Variants in DAB1 observed in about 807,000 individuals in gnomAD.
DAB1 encodes DAB adaptor protein 1.
In DAB1, 15 loss-of-function variants were observed where a neutral mutation model predicts 64.6. The observed-to-expected ratio is 0.23, with a 90% confidence interval of 0.16 to 0.36. DAB1 has a LOEUF of 0.36. Ranked by LOEUF, DAB1 falls within the 10% of genes least tolerant of loss-of-function variation. The pLI, the probability that DAB1 is intolerant of heterozygous loss-of-function variation, is 1.00. For missense variants in DAB1, 596 were observed against 706.7 expected (o/e 0.84, Z 1.78); for synonymous variants, 235 against 251.9 (o/e 0.93, Z 0.64).
chr1:57,541,638 G>C (rs1256286803), intron 7 of DAB1, among the ~76,000 whole-genome samples: 1 of 152,094 alleles, frequency 6.6e-6, no homozygotes, highest in Non-Finnish European at 1.5e-5. Context: ...TTTTATCAGG[G>C]AAAGAAGATG....
chr1:57,297,453 C>CTTA (rs1673292287), intron 1 of DAB1, among the ~76,000 whole-genome samples: 1 of 151,838 alleles, frequency 6.6e-6, no homozygotes, highest in Non-Finnish European at 1.5e-5. Context: ...ATATGTGCAC[C>CTTA]TTATATTCAG....
chr1:57,280,522 C>T (rs555301803), intron 2 of DAB1, among the ~76,000 whole-genome samples: 5 of 152,220 alleles, frequency 3.3e-5, no homozygotes, highest in Non-Finnish European at 7.3e-5. Context: ...CGTAACCAGA[C>T]TCACAGCATA....
Position 57,331,435 on chromosome 1 carries a change from C to T in DAB1, c.-136-40269G>A, listed in dbSNP as rs1676662887. Reference sequence around the variant, plus strand: ...TGCCCAATAAGGAGGCAGTATGGCACCATGGTTAAGAGTATGACTTCTGGA... The same window carrying T: ...TGCCCAATAAGGAGGCAGTATGGCATCATGGTTAAGAGTATGACTTCTGGA... On this transcript the variant is annotated intron_variant, in intron 1 of 14. Transcript: ENST00000371236. Among the ~76,000 whole-genome samples, 4 of 152,290 alleles carry T rather than the reference C, an allele frequency of 2.6e-5. No homozygotes were observed. In the South Asian group the frequency reaches 8.3e-4, roughly 32 times the overall value.
intron 3 of DAB1, among the ~76,000 whole-genome samples, chr1:58,418,989 T>G (rs763482674): frequency 1.4e-4 from 22 of 152,140 alleles, no homozygotes; most frequent in Non-Finnish European, 2.9e-4. Context: ...GATGTTAGGG[T>G]GAATTCTTAA....
At chr1:57,806,280 G>A (rs1314511623) in intron 6 of DAB1, among the ~76,000 whole-genome samples, 1 of 152,126 alleles carries the variant, frequency 6.6e-6, no homozygotes, top group Non-Finnish European at 1.5e-5. Context: ...CTAACCCCTA[G>A]TACCTAGAAT....
intron 1 of DAB1, among the ~76,000 whole-genome samples, chr1:57,877,551 T>TATAATTACAAAAGTTACACATAC (rs1292013391): frequency 2.3e-5 from 2 of 87,110 alleles, no homozygotes; most frequent in Admixed American, 1.1e-4. Context: ...ATTTATTTTT[T>TATAATTACAAAAGTTACACATAC]TTTTTTTTTT....
chr1:58,285,031 C>A (rs751881017), intron 4 of DAB1, among the ~76,000 whole-genome samples: 3 of 152,138 alleles, frequency 2.0e-5, no homozygotes, highest in Non-Finnish European at 4.4e-5. Context: ...TGCTGCATAA[C>A]AAACCATGTG....
chr1:57,675,875 A>G (rs1358207600), intron 6 of DAB1, among the ~76,000 whole-genome samples: 1 of 152,182 alleles, frequency 6.6e-6, no homozygotes, highest in Non-Finnish European at 1.5e-5. Flanking sequence ...GAAGATTATT[A>G]ATAGAAACAT....
At chr1:57,224,507 C>A (rs1401964693) in intron 2 of DAB1, among the ~76,000 whole-genome samples, 2 of 152,190 alleles carry the variant, frequency 1.3e-5, no homozygotes, top group Non-Finnish European at 2.9e-5. Context: ...TGCTCTCTAA[C>A]CAGTCTGTTC....
chr1:58,152,768 T>C lies in DAB1; in HGVS notation n.310-2180A>G, dbSNP rs539394219. ...TTTTTCTATTATTCTCAACCAATCA[T>C]TCACAACATACGAGTAGTAAGTTCC... On this transcript the variant is annotated intron_variant and non_coding_transcript_variant, in intron 4 of 20. Coordinates refer to the DAB1 transcript ENST00000485760. Among the ~76,000 whole-genome samples, 45 of 152,360 alleles carry C rather than the reference T, an allele frequency of 3.0e-4. 2 individuals carry two copies. In the South Asian group the frequency reaches 8.9e-3, roughly 30 times the overall value.
chr1:58,513,388 T>C (rs1040649941), intron 2 of DAB1, among the ~76,000 whole-genome samples: 24 of 152,262 alleles, frequency 1.6e-4, no homozygotes, highest in Non-Finnish European at 2.2e-4. Context: ...TACAGCACTG[T>C]GAAAATGGAC....
intron 1 of DAB1, among the ~76,000 whole-genome samples, chr1:57,376,514 G>A (rs953453209): frequency 1.3e-5 from 2 of 152,324 alleles, no homozygotes; most frequent in African/African-American, 4.8e-5. Context: ...ATTCACTTTT[G>A]TATCTCTAGT....
chr1:58,450,755 A>AAAAATAAAAT (rs60658478), intron 3 of DAB1, among the ~76,000 whole-genome samples: 1 of 152,066 alleles, frequency 6.6e-6, no homozygotes, highest in African/African-American at 2.4e-5. Context: ...CTCCGTCTCA[A>AAAAATAAAAT]AAAATAAAAT....
At chr1:57,218,515 T>TA (rs776398255) in intron 2 of DAB1, among the ~76,000 whole-genome samples, 2,682 of 71,306 alleles carry the variant, frequency 0.038, 264 homozygotes, top group East Asian at 0.15. Flanking sequence ...CCCCCATCTC[T>TA]AAAAAAAAAA....
intron 9 of DAB1, among the ~76,000 whole-genome samples, chr1:57,041,808 C>A (rs995579228): frequency 6.6e-6 from 1 of 152,146 alleles, no homozygotes; most frequent in Non-Finnish European, 1.5e-5. Context: ...TTAAAAATTT[C>A]AGAATTGCAG....
chr1:57,798,429 A>G (rs1467067552), intron 6 of DAB1, among the ~76,000 whole-genome samples: 1 of 152,170 alleles, frequency 6.6e-6, no homozygotes, highest in African/African-American at 2.4e-5. Flanking sequence ...TTTGTCTTCT[A>G]TGCTTGCTGT....
At chr1:58,080,131 C>G (rs1310037760) in intron 5 of DAB1, 3 of 152,210 alleles carry the variant, frequency 2.0e-5, no homozygotes, top group Non-Finnish European at 4.4e-5. Context: ...TACAGTCCAT[C>G]TGTTAAGGTG....
chr1:58,198,903 C>T (rs914444115), intron 4 of DAB1, among the ~76,000 whole-genome samples: 8 of 151,884 alleles, frequency 5.3e-5, no homozygotes, highest in African/African-American at 9.7e-5. Context: ...GTCAAGAGTT[C>T]GGGACCAGCC....
chr1:57,768,364 T>C (rs1168404899), intron 6 of DAB1, among the ~76,000 whole-genome samples: 1 of 151,662 alleles, frequency 6.6e-6, no homozygotes, highest in African/African-American at 2.4e-5. Context: ...AAAGGAGACA[T>C]ACCATATTTA....
Sources: gnomAD v4.1 joint callset for allele counts (sites outside exome capture counted in the v4.1 genomes callset) on GRCh38, gnomAD v4.1.1 for gene constraint, MANE v1.5 for transcripts, NCBI Gene and HGNC (gene_info 2026-07-23, HGNC 2026-07-21) for gene names.